The following DNAH11 variants were observed in gnomAD, a reference collection of about 807,000 sequenced individuals.
The protein encoded by DNAH11 is axonemal beta dynein heavy chain 11.
Under a neutral mutation model 526.0 loss-of-function variants are expected in DNAH11, and 442 were observed. The observed-to-expected ratio is 0.84, with a 90% CI of 0.78 to 0.91. The LOEUF (loss-of-function observed/expected upper bound fraction) is 0.91, where lower values mean the gene tolerates loss of function less well. Ranked by LOEUF, DNAH11 falls within the 40% of genes least tolerant of loss-of-function variation. The probability of loss-of-function intolerance (pLI) is 0.00; values close to 1 mark genes in which losing one functional copy is unlikely to be tolerated. For missense variants in DNAH11, 6,989 were observed against 5,448.7 expected, an observed-to-expected ratio of 1.28 and a Z score of -8.90; for synonymous variants, 2,461 against 1,935.9, an observed-to-expected ratio of 1.27 and a Z score of -7.12.
chr7:21,658,995 C>A lies in DNAH11; in HGVS notation c.5292C>A (p.Gly1764=). Residue 1764 remains glycine (G), a synonymous_variant, in exon 30 of 82, where the codon GGC becomes GGA. Transcript: ENST00000409508. ...TAGCCTTCAGTAGACTGGAAGAAGGCTACGAAACAGCCCTGAAGGATTTCC... is the reference window on the plus strand; with the variant it reads ...TAGCCTTCAGTAGACTGGAAGAAGGATACGAAACAGCCCTGAAGGATTTCC... ...VGIAFSRLEE[G]YETALKDFHK... 1 of 1,607,502 alleles carries A rather than the reference C, an allele frequency of 6.2e-7. No homozygotes were observed. Among genetic ancestry groups the A allele is most frequent in the African/African-American group, 1.3e-5 (1 of 74,816 alleles).
At chr7:21,659,077 T>C (rs1562735023) in intron 30 of DNAH11, 46 bp downstream of exon 30, 1 of 1,424,972 alleles carries the variant, frequency 7.0e-7, no homozygotes, top group East Asian at 2.5e-5. Context: ...AACTTCAAGA[T>C]GTAAGCTTGC....
chr7:21,611,852 C>T (rs1009279352), intron 20 of DNAH11, among the ~76,000 whole-genome samples: 2 of 152,160 alleles, frequency 1.3e-5, no homozygotes, highest in East Asian at 1.9e-4. Flanking sequence ...CACCAATAAA[C>T]CATTACTAAC....
At chr7:21,678,397 G>A (rs1209016012) in intron 30 of DNAH11, among the ~76,000 whole-genome samples, 1 of 151,884 alleles carries the variant, frequency 6.6e-6, no homozygotes, top group Non-Finnish European at 1.5e-5. Flanking sequence ...TCTCTATTCT[G>A]TTCCACTGGT....
At chr7:21,823,960 A>G (rs1583739292) in intron 65 of DNAH11, among the ~76,000 whole-genome samples, 3 of 152,332 alleles carry the variant, frequency 2.0e-5, no homozygotes, top group Admixed American at 6.5e-5. Context: ...AAGCTTGAAC[A>G]AGCCTAGAGC....
intron 30 of DNAH11, among the ~76,000 whole-genome samples, chr7:21,664,948 T>G (rs1018629381): frequency 6.6e-6 from 1 of 152,110 alleles, no homozygotes; most frequent in African/African-American, 2.4e-5. Context: ...AATTTAAACC[T>G]CAGCTCCAGA....
intron 77 of DNAH11, 36 bp from the exon 78 acceptor site, chr7:21,894,587 T>C (rs1562608466): frequency 5.6e-6 from 9 of 1,599,956 alleles, no homozygotes; most frequent in Non-Finnish European, 6.8e-6. Context: ...AAAACTGAAA[T>C]AGAAAGGAGC....
intron 70 of DNAH11, 146 bp from the exon 71 acceptor site, chr7:21,866,320 CAAAA>C (rs35623271): frequency 1.2e-3 from 566 of 455,176 alleles, no homozygotes; most frequent in South Asian, 3.9e-3. Context: ...CTCAGCAGAG[CAAAA>C]AAAAAAAAAA....
chr7:21,602,337 CAAAAT>C (rs1337188987), intron 18 of DNAH11, among the ~76,000 whole-genome samples: 5 of 152,144 alleles, frequency 3.3e-5, no homozygotes, highest in African/African-American at 1.2e-4. Context: ...GACTCCTTCT[CAAAAT>C]AATAATAATA....
intron 55 of DNAH11, among the ~76,000 whole-genome samples, chr7:21,772,616 G>A (rs1290209296): frequency 1.4e-4 from 21 of 151,970 alleles, no homozygotes. Flanking sequence ...TTTGTATCTG[G>A]GGTCCACTAG....
chr7:21,679,483 T>C (rs2965390), intron 30 of DNAH11, among the ~76,000 whole-genome samples: 15,965 of 152,262 alleles, frequency 0.1, 1,509 homozygotes, highest in African/African-American at 0.26. Flanking sequence ...AATATCACGT[T>C]GTATACCTTA....
intron 66 of DNAH11, among the ~76,000 whole-genome samples, chr7:21,850,608 C>CTTTTTTTTTTTTTTT (rs3062635): frequency 8.0e-5 from 5 of 62,656 alleles, no homozygotes; most frequent in Admixed American, 2.1e-4. Flanking sequence ...CTGTCTTCTT[C>CTTTTTTTTTTTTTTT]TTTTTTTTTT....
chr7:21,658,160 TA>T (rs959103112), intron 29 of DNAH11, among the ~76,000 whole-genome samples: 34 of 149,486 alleles, frequency 2.3e-4, no homozygotes, highest in Middle Eastern at 3.4e-3. Flanking sequence ...TTCAATTTTT[TA>T]AAAAAAAAAA....
intron 1 of DNAH11, among the ~76,000 whole-genome samples, chr7:21,544,469 C>A (rs17144611): frequency 2.0e-5 from 3 of 152,002 alleles, no homozygotes; most frequent in Non-Finnish European, 4.4e-5. Context: ...GTAGACAAGG[C>A]GATAGAACAC....
chr7:21,806,332 T>A (rs1158009588), intron 62 of DNAH11, among the ~76,000 whole-genome samples: 2 of 152,180 alleles, frequency 1.3e-5, no homozygotes, highest in Non-Finnish European at 2.9e-5. Flanking sequence ...AATGAGAGAT[T>A]CCTCCTGAAA....
intron 4 of DNAH11, 131 bp from the exon 5 acceptor site, chr7:21,560,940 A>T: frequency 3.1e-6 from 2 of 638,892 alleles, no homozygotes; most frequent in South Asian, 2.1e-5. Context: ...TGGAAACCAG[A>T]TATAACTTTG....
At chr7:21,622,622 A>G (rs889603439) in intron 25 of DNAH11, among the ~76,000 whole-genome samples, 3 of 152,162 alleles carry the variant, frequency 2.0e-5, no homozygotes, top group African/African-American at 7.2e-5. Flanking sequence ...CAAAACAGAT[A>G]TAGATCAATG....
intron 34 of DNAH11, among the ~76,000 whole-genome samples, chr7:21,687,772 T>A (rs910656297): frequency 1.3e-5 from 2 of 152,218 alleles, no homozygotes; most frequent in African/African-American, 4.8e-5. Context: ...CTTCTAGGAT[T>A]GGCCAGACAC....
At chr7:21,618,859 A>G (rs1378913139) in intron 23 of DNAH11, among the ~76,000 whole-genome samples, 2 of 152,190 alleles carry the variant, frequency 1.3e-5, no homozygotes, top group East Asian at 1.9e-4. Context: ...AAGATGTGAA[A>G]CAAAGAAAAT....
chr7:21,852,976 G>C (rs1458206719), intron 67 of DNAH11, among the ~76,000 whole-genome samples: 1 of 152,144 alleles, frequency 6.6e-6, no homozygotes, highest in African/African-American at 2.4e-5. Flanking sequence ...ATATCCTACA[G>C]TTTCTCTGCA....
Sources: allele counts gnomAD v4.1 joint callset (sites outside exome capture counted in the v4.1 genomes callset), GRCh38; gene constraint gnomAD v4.1.1; transcripts MANE v1.5; gene names NCBI Gene and HGNC (gene_info 2026-07-23, HGNC 2026-07-21).